Variants in FAM161B observed in about 807,000 individuals in gnomAD.
The protein encoded by FAM161B is protein FAM161B.
Under a neutral mutation model 61.5 loss-of-function variants are expected in FAM161B, and 46 were observed. The ratio of observed to expected loss-of-function variants is 0.75; its 90% CI spans 0.59 to 0.96. FAM161B has a LOEUF of 0.96. Among genes scored for constraint, FAM161B ranks in the 40% least tolerant of loss-of-function variants. The pLI, the probability that FAM161B is intolerant of heterozygous loss-of-function variation, is 0.00. For missense variants in FAM161B, 774 were observed against 800.7 expected (o/e 0.97, Z 0.40); for synonymous variants, 284 against 302.7 (o/e 0.94, Z 0.64).
At position 73,940,932 on chromosome 14, in the gene FAM161B, G is replaced by C; in HGVS notation, c.1394C>G (p.Ala465Gly). The change falls in exon 5 of 9, where the codon GCA becomes GGA. Residue 465 changes from alanine to glycine, a missense_variant. Ala to Gly is a moderately conservative substitution (Grantham distance 60). Transcript: ENST00000286544. The stretch of plus-strand genomic sequence containing the variant: ...GTGCAGCCTGACCACTCACCTGACT[G>C]CAGATTCCCTCTTCCTGGTGGCATC... Reference protein sequence around the residue: ...ITDATRKRESAVRSALEKKNK... With the variant: ...ITDATRKRESGVRSALEKKNK... The C allele has an allele frequency of 2.5e-6, 4 of 1,610,346 alleles. No homozygotes were observed. The highest frequency in any genetic ancestry group is 3.4e-6 in the Non-Finnish European group (4 of 1,178,282).
rs1448912999 is a variant in FAM161B, at chr14:73,944,861, G to A, written c.399C>T (p.Ser133=). The change falls in exon 3 of 9, where the codon AGC becomes AGT. Residue 133 remains serine (S), a synonymous_variant. Transcript: ENST00000286544. ...TGTTGGAGGGAAGGTTGTTCAGGGA[G>A]CTGCAGCGCCTTGTGGAGCCACACC... The part of the protein sequence containing the change: ...ALRCGSTRRC[S]SLNNLPSNIP... The A allele has an allele frequency of 1.3e-6, 2 of 1,522,508 alleles. No homozygotes were observed. Among genetic ancestry groups the A allele is most frequent in the South Asian group, 1.3e-5 (1 of 77,104 alleles). The allele number at this position is 1,522,508 out of a possible 1,614,324, so 94.3% of individuals were successfully genotyped here. A position where few individuals can be genotyped will look rare whatever the true frequency, so the allele number is the denominator to read the frequency against.
At chr14:73,924,387 A>G in the FAM161B span, among the ~76,000 whole-genome samples, 457 of 152,286 alleles carry the variant, frequency 3.0e-3, 1 homozygote, top group Non-Finnish European at 4.7e-3. Flanking sequence ...GGCACGGACC[A>G]GTGCTGGTCC....
At chr14:73,948,106 TACAG>T (rs1461380457) in intron 1 of FAM161B, among the ~76,000 whole-genome samples, 1 of 152,126 alleles carries the variant, frequency 6.6e-6, no homozygotes, top group East Asian at 1.9e-4. Context: ...GTATTTTTTG[TACAG>T]ATGGGGTTTC....
rs762185650 is a variant in FAM161B at position 73,940,972 on chromosome 14, GGA to G, written c.1352_1353del (p.Leu451ProfsTer20). 2 of 1,613,980 alleles carry G rather than the reference GGA, an allele frequency of 1.2e-6. No homozygotes were observed. The highest frequency in any genetic ancestry group is 1.7e-6 in the Non-Finnish European group (2 of 1,179,912). On this transcript the variant is annotated frameshift_variant, in exon 5 of 9. Coordinates refer to ENST00000286544, the MANE Select transcript of FAM161B (RefSeq NM_152445.3). LOFTEE classifies it high-confidence loss of function. ...CTGGTGGCATCTGTGATGTGCACAG[GGA>G]GAGTGTTGGCAGAGAGGGAAGCAAG... is the stretch of plus-strand genomic sequence containing the variant. ...SGLASLSANT[L>X]PVHITDATRK...
intron 4 of FAM161B, among the ~76,000 whole-genome samples, chr14:73,941,631 T>A (rs1352859306): frequency 2.0e-5 from 3 of 152,148 alleles, no homozygotes; most frequent in Admixed American, 6.6e-5. Context: ...ACTCCTTGCC[T>A]CTCAAGCCTG....
rs1044531464 is a variant in FAM161B, at chr14:73,936,013, T to C, written c.1741A>G (p.Arg581Gly). 6.2e-7 allele frequency: 1 copy of C among 1,613,918 alleles called. No individual in the cohort carries two copies. The highest frequency in any genetic ancestry group is 1.7e-5 in the Admixed American group (1 of 60,004). The change falls in exon 8 of 9, where the codon AGA becomes GGA. Residue 581 changes from arginine to glycine, a missense_variant. By Grantham distance (125) the Arg-to-Gly change is moderately radical. Transcript: ENST00000286544. ...KQAGLEEDFVRNKGQGTRAVQ... is the reference protein window; with the variant it reads ...KQAGLEEDFVGNKGQGTRAVQ... The stretch of plus-strand genomic sequence containing the variant: ...GCCCGGGTGCCTTGACCCTTGTTTC[T>C]CACAAAGTCTTCCTCCAGCCCAGCC...
In FAM161B at chr14:73,932,388, A is replaced by G. The variant is rs772515614; in HGVS notation, c.*1868T>C. 1.1e-5 allele frequency: 5 copies of G among 436,864 alleles called. No homozygotes were observed. The highest frequency in any genetic ancestry group is 8.3e-5 in the South Asian group (5 of 60,248). 27.1% of individuals were successfully genotyped at this position (436,864 alleles called of 1,614,324 possible). ...ACCCTTAGGATTCCATACCAGTAAA[A>G]CTGAACCGAGGAGTCTTAGGAAACA... On this transcript the variant is annotated 3_prime_UTR_variant, in exon 9 of 9. Coordinates refer to ENST00000286544, the MANE Select transcript of FAM161B (RefSeq NM_152445.3).
Position 73,937,582 on chromosome 14 carries a change from A to C in FAM161B, c.1665+20T>G, listed in dbSNP as rs2140342947. The C allele has an allele frequency of 6.3e-7, 1 of 1,597,432 alleles. No individual in the cohort carries two copies. The highest frequency in any genetic ancestry group is 2.2e-5 in the East Asian group (1 of 44,812). The stretch of plus-strand genomic sequence containing the variant: ...CTTTTATCTAAGGCAGAAAGAAAAC[A>C]AATGATGGTTTAGTTTTACCTTGGC... On this transcript the variant is annotated intron_variant, in intron 7 of 8. Transcript: ENST00000286544.
At chr14:73,942,845 GAC>G (rs2056031766) in intron 3 of FAM161B, 130 bp from the exon 4 acceptor site, 1 of 750,234 alleles carries the variant, frequency 1.3e-6, no homozygotes, top group African/African-American at 1.8e-5. Context: ...CAGGAATTCT[GAC>G]ACGTTAACAT....
chr14:73,937,661 G>GTTCT lies in FAM161B; in HGVS notation c.1602_1605dup (p.Leu536ArgfsTer17). On this transcript the variant is annotated frameshift_variant, in exon 7 of 9. Coordinates refer to ENST00000286544, the MANE Select transcript of FAM161B (RefSeq NM_152445.3). LOFTEE classifies it high-confidence loss of function. ...TGTATTCGCTGCTTCATTTCCTCCAGTTCTTTCTTATATTCTTTCGCTCTT... is the reference window on the plus strand; with the variant it reads ...TGTATTCGCTGCTTCATTTCCTCCAGTTCTTTCTTTCTTATATTCTTTCGCTCTT... 6.2e-7 allele frequency: 1 copy of GTTCT among 1,614,142 alleles called. No individual in the cohort carries two copies. The highest frequency in any genetic ancestry group is 8.5e-7 in the Non-Finnish European group (1 of 1,180,032).
intron 8 of FAM161B, 107 bp downstream of exon 8, chr14:73,935,842 G>C: frequency 2.4e-6 from 3 of 1,267,546 alleles, no homozygotes; most frequent in Non-Finnish European, 3.2e-6. Flanking sequence ...ATAAATACAG[G>C]ATTATGATCT....
At chr14:73,931,672 T>C, downstream of FAM161B, 1 of 767,534 alleles carries the variant, frequency 1.3e-6, no homozygotes, top group Non-Finnish European at 2.2e-6. Context: ...TTTGCCACTC[T>C]TCCTCTTTCC....
rs1439977823 is a variant in FAM161B, at chr14:73,938,094, C to CT, written c.1418dup (p.Asn474GlufsTer5). Reference sequence around the variant, plus strand: ...ACTGAATACTCTCATCTGCTTTGTTCTTTTTTTCAAGTGCACTTCTAAAGG... The same window carrying CT: ...ACTGAATACTCTCATCTGCTTTGTTCTTTTTTTTCAAGTGCACTTCTAAAGG... On this transcript the variant is annotated frameshift_variant, in exon 6 of 9. Transcript: ENST00000286544. LOFTEE classifies it high-confidence loss of function. 6.2e-7 allele frequency: 1 copy of CT among 1,614,012 alleles called. No homozygotes were observed. The highest frequency in any genetic ancestry group is 8.5e-7 in the Non-Finnish European group (1 of 1,179,986).
chr14:73,931,635 G>A, downstream of FAM161B: 3 of 1,182,606 alleles, frequency 2.5e-6, no homozygotes, highest in Non-Finnish European at 3.7e-6. Context: ...GAACCAGAAT[G>A]AATCTTTGAA....
intron 5 of FAM161B, 54 bp downstream of exon 5, chr14:73,940,872 C>A: frequency 1.9e-6 from 3 of 1,555,012 alleles, no homozygotes; most frequent in Non-Finnish European, 2.6e-6. Flanking sequence ...AGGGAGGTTT[C>A]CAGCATTTGG....
At position 73,946,617 on chromosome 14, in the gene FAM161B, T is replaced by C; in HGVS notation, c.55-12A>G. 3.1e-6 allele frequency: 5 copies of C among 1,608,604 alleles called. No individual in the cohort carries two copies. Among genetic ancestry groups the C allele is most frequent in the Non-Finnish European group, 3.4e-6 (4 of 1,176,160 alleles). ...TCGGGGGGAAATATCTAAAATAGAA[T>C]AGAAATAGGCTGTGGGTCAAACAAT... On this transcript the variant is annotated splice_polypyrimidine_tract_variant and intron_variant, in intron 1 of 8. Transcript: ENST00000286544.
downstream of FAM161B, among the ~76,000 whole-genome samples, chr14:73,928,419 T>A (rs886303254): frequency 6.6e-6 from 1 of 152,028 alleles, no homozygotes; most frequent in Non-Finnish European, 1.5e-5. Context: ...GATAAGCTAG[T>A]CTCTTGAAAG....
chr14:73,939,986 TA>T lies in FAM161B; in HGVS notation c.1400+939del, dbSNP rs543246935. Among the ~76,000 whole-genome samples the T allele has an allele frequency of 1.1e-4, 16 of 152,334 alleles. No individual in the cohort carries two copies. The South Asian group carries it at 3.3e-3, about 32-fold the overall frequency. ...ACTGAGCAATTAATTAGCCCTGATT[TA>T]GTAGGTCTAACTGAAGTCTGAAGAA... On this transcript the variant is annotated intron_variant, in intron 5 of 8. Coordinates refer to ENST00000286544, the MANE Select transcript of FAM161B (RefSeq NM_152445.3).
the FAM161B span, chr14:73,923,333 G>A: frequency 6.5e-7 from 1 of 1,544,254 alleles, no homozygotes; most frequent in Admixed American, 2.0e-5. Context: ...GAGGCTTAAT[G>A]ATCCAGATAG....
Sources: allele counts gnomAD v4.1 joint callset (sites outside exome capture counted in the v4.1 genomes callset), GRCh38; gene constraint gnomAD v4.1.1; transcripts MANE v1.5; gene names NCBI Gene and HGNC (gene_info 2026-07-23, HGNC 2026-07-21).